Variants in NLGN1 observed in about 807,000 individuals in gnomAD.
NLGN1 encodes the protein neuroligin 1, also known as neuroligin-1.
A neutral mutation model predicts 65.5 loss-of-function variants in NLGN1; 12 were observed. That is an observed-to-expected ratio of 0.18 (90% CI 0.12 to 0.30). NLGN1 has a LOEUF of 0.30. NLGN1 is among the 10% of genes least tolerant of loss of function. The pLI is 1.00. For synonymous variants in NLGN1, 350 were observed against 359.5 expected (o/e 0.97, Z 0.30); for missense variants, 750 against 1,007.1 (o/e 0.74, Z 3.46).
chr3:173,672,442 A>G (rs553350615), intron 3 of NLGN1, among the ~76,000 whole-genome samples: 1 of 152,348 alleles, frequency 6.6e-6, no homozygotes, highest in East Asian at 1.9e-4. Flanking sequence ...CTGTTCTGAC[A>G]CCTGATGATA....
At chr3:173,611,203 G>T (rs1752232172) in intron 3 of NLGN1, among the ~76,000 whole-genome samples, 1 of 152,010 alleles carries the variant, frequency 6.6e-6, no homozygotes, top group Admixed American at 6.6e-5. Flanking sequence ...ACATCAGTGA[G>T]ATCTTCCTAT....
At chr3:173,869,007 G>A (rs1730700256) in intron 4 of NLGN1, among the ~76,000 whole-genome samples, 1 of 151,994 alleles carries the variant, frequency 6.6e-6, no homozygotes, top group South Asian at 2.1e-4. Flanking sequence ...AAAGTATAAG[G>A]TACTGTCTCT....
chr3:173,970,357 C>T (rs992304657), intron 4 of NLGN1, among the ~76,000 whole-genome samples: 17 of 152,004 alleles, frequency 1.1e-4, no homozygotes, highest in African/African-American at 3.6e-4. Context: ...GCCTGAGTCC[C>T]GAAGGCCATT....
chr3:173,425,719 G>A (rs1170081256), intron 1 of NLGN1, among the ~76,000 whole-genome samples: 1 of 152,078 alleles, frequency 6.6e-6, no homozygotes, highest in East Asian at 1.9e-4. Flanking sequence ...ATATCATGCT[G>A]TTTTAGTTAC....
At chr3:173,685,466 A>G (rs1764548568) in intron 3 of NLGN1, among the ~76,000 whole-genome samples, 1 of 152,192 alleles carries the variant, frequency 6.6e-6, no homozygotes, top group African/African-American at 2.4e-5. Context: ...CATGATTCCT[A>G]CTTAAACAAT....
In NLGN1 at chr3:173,921,505, C is replaced by T. The variant is rs116658879; in HGVS notation, c.646+113673C>T. On this transcript the variant is annotated intron_variant, in intron 4 of 6. Transcript: ENST00000457714. ...GTGATCAAATCTCATTTATTTTACC[C>T]TAGGAAAATATTATTTCTCAGCAAC... Among the ~76,000 whole-genome samples the T allele has an allele frequency of 3.2e-3, 483 of 151,564 alleles. 1 individual carries two copies. The highest frequency in any genetic ancestry group is 0.011 in the African/African-American group (454 of 41,370).
chr3:173,849,222 A>C (rs1452227340), intron 4 of NLGN1, among the ~76,000 whole-genome samples: 1 of 152,006 alleles, frequency 6.6e-6, no homozygotes, highest in Non-Finnish European at 1.5e-5. Context: ...TTTTCTTTGA[A>C]TTACTCTCTG....
At chr3:174,145,831 C>A (rs1362593828) in intron 4 of NLGN1, among the ~76,000 whole-genome samples, 1 of 152,132 alleles carries the variant, frequency 6.6e-6, no homozygotes, top group Non-Finnish European at 1.5e-5. Context: ...TTCACTTTTA[C>A]CTAAAATATC....
At chr3:174,120,247 G>A (rs1717460982) in intron 4 of NLGN1, among the ~76,000 whole-genome samples, 1 of 152,116 alleles carries the variant, frequency 6.6e-6, no homozygotes, top group Admixed American at 6.5e-5. Context: ...CAGCACTTTG[G>A]GAGGCCGAGG....
chr3:173,664,271 G>C (rs1006099188), intron 3 of NLGN1, among the ~76,000 whole-genome samples: 3 of 151,834 alleles, frequency 2.0e-5, no homozygotes, highest in African/African-American at 7.3e-5. Context: ...GACCTAAAAT[G>C]AACTTTAAAA....
At chr3:174,246,485 C>T (rs1240986470) in intron 4 of NLGN1, among the ~76,000 whole-genome samples, 2 of 152,150 alleles carry the variant, frequency 1.3e-5, no homozygotes, top group African/African-American at 4.8e-5. Context: ...GTGGCCTGAT[C>T]ACAGCTCACT....
intron 4 of NLGN1, among the ~76,000 whole-genome samples, chr3:174,116,588 T>G (rs1192118979): frequency 6.6e-6 from 1 of 152,108 alleles, no homozygotes; most frequent in Non-Finnish European, 1.5e-5. Context: ...TCTGCCTGCC[T>G]TGGCCTTCCG....
intron 4 of NLGN1, among the ~76,000 whole-genome samples, chr3:174,106,122 A>C (rs557792472): frequency 6.6e-6 from 1 of 152,294 alleles, no homozygotes; most frequent in East Asian, 1.9e-4. Flanking sequence ...AAGTTAAATC[A>C]TTTGATCAAA....
chr3:173,588,816 C>T (rs529022031), intron 2 of NLGN1, among the ~76,000 whole-genome samples: 58 of 152,198 alleles, frequency 3.8e-4, no homozygotes, highest in African/African-American at 1.3e-3. Context: ...ACTCATAAAA[C>T]GTTCAAGTCC....
intron 4 of NLGN1, among the ~76,000 whole-genome samples, chr3:174,041,581 A>T (rs183033862): frequency 6.6e-6 from 1 of 152,256 alleles, no homozygotes; most frequent in East Asian, 1.9e-4. Context: ...GTGAGTTGCA[A>T]TTACTCCACA....
At chr3:174,055,361 A>C (rs376160013) in intron 4 of NLGN1, among the ~76,000 whole-genome samples, 6 of 151,950 alleles carry the variant, frequency 3.9e-5, no homozygotes, top group African/African-American at 1.2e-4. Context: ...GTTGGAAAGA[A>C]GAGAAAGTTG....
intron 4 of NLGN1, among the ~76,000 whole-genome samples, chr3:173,826,163 A>G (rs930202108): frequency 1.3e-5 from 2 of 152,106 alleles, no homozygotes; most frequent in African/African-American, 2.4e-5. Flanking sequence ...GCTTAAAATG[A>G]CAAAAACTAC....
At chr3:174,223,055 C>G (rs1173832710) in intron 4 of NLGN1, among the ~76,000 whole-genome samples, 2 of 152,126 alleles carry the variant, frequency 1.3e-5, no homozygotes, top group African/African-American at 4.8e-5. Flanking sequence ...GGAGGTCAGA[C>G]AATCTCAACT....
intron 2 of NLGN1, among the ~76,000 whole-genome samples, chr3:173,536,426 A>G (rs549181820): frequency 5.3e-5 from 8 of 152,176 alleles, no homozygotes; most frequent in African/African-American, 1.2e-4. Flanking sequence ...GGGGAAAAAA[A>G]GTAAATAATC....
Sources: allele counts gnomAD v4.1 joint callset (sites outside exome capture counted in the v4.1 genomes callset), GRCh38; gene constraint gnomAD v4.1.1; transcripts MANE v1.5; gene names NCBI Gene and HGNC (gene_info 2026-07-23, HGNC 2026-07-21).